CECR2: variants seen among roughly 807,000 people sequenced by gnomAD.
CECR2 encodes chromatin remodeling regulator CECR2.
A neutral mutation model predicts 154.5 loss-of-function variants in CECR2; 30 were observed. That is an observed-to-expected ratio of 0.19 (90% confidence interval 0.15 to 0.26). The LOEUF is 0.26. CECR2 is among the 10% of genes least tolerant of loss of function. The pLI, the probability that CECR2 is intolerant of heterozygous loss-of-function variation, is 1.00. For missense variants in CECR2, 1,743 were observed against 1,829.3 expected (o/e 0.95, Z 0.86); for synonymous variants, 725 against 683.7 (o/e 1.06, Z -0.94).
Position 17,552,743 on chromosome 22 carries a change from G to C in CECR2, c.4390-92G>C, listed in dbSNP as rs868048198. The C allele has an allele frequency of 2.2e-5, 25 of 1,144,710 alleles. No homozygotes were observed. In the Middle Eastern group the frequency reaches 2.9e-3, roughly 134 times the overall value. 70.9% of individuals were successfully genotyped at this position (1,144,710 alleles called of 1,614,324 possible). On this transcript the variant is annotated intron_variant, in intron 18 of 18. Transcript: ENST00000262608. ...ACAGAATCAAGCCATTTTCACACAT[G>C]AGGAGCTTGGACATTCTTTGGCTTA...
At chr22:17,404,287 A>G (rs2053943051) in intron 1 of CECR2, among the ~76,000 whole-genome samples, 2 of 150,002 alleles carry the variant, frequency 1.3e-5, no homozygotes, top group South Asian at 2.1e-4. Flanking sequence ...GCCAAAAAAA[A>G]AAAAAAAAAG....
intron 1 of CECR2, among the ~76,000 whole-genome samples, chr22:17,464,153 A>G (rs867884025): frequency 3.3e-5 from 5 of 152,232 alleles, no homozygotes; most frequent in Admixed American, 3.3e-4. Flanking sequence ...TTTTGTTACC[A>G]TCTCTGAGGC....
intron 7 of CECR2, among the ~76,000 whole-genome samples, chr22:17,507,241 C>T (rs773760769): frequency 1.3e-5 from 2 of 152,270 alleles, no homozygotes; most frequent in East Asian, 1.9e-4. Context: ...TCTCTAATAA[C>T]GGGAACTTAC....
At chr22:17,431,088 AT>A (rs1286107132) in intron 1 of CECR2, among the ~76,000 whole-genome samples, 1 of 152,190 alleles carries the variant, frequency 6.6e-6, no homozygotes, top group African/African-American at 2.4e-5. Context: ...CTGTTCATCC[AT>A]ACACATTTTG....
At chr22:17,455,490 C>T (rs1413589733) in intron 1 of CECR2, among the ~76,000 whole-genome samples, 1 of 152,236 alleles carries the variant, frequency 6.6e-6, no homozygotes, top group South Asian at 2.1e-4. Flanking sequence ...CCTCCCTACT[C>T]TCCTGACCCA....
rs1379488357 is a variant in CECR2 at position 17,500,678 on chromosome 22, GA to G, written c.598del (p.Arg200GlufsTer17). 2 of 1,558,234 alleles carry G rather than the reference GA, an allele frequency of 1.3e-6. No homozygotes were observed. Among genetic ancestry groups the G allele is most frequent in the Non-Finnish European group, 8.7e-7 (1 of 1,151,200 alleles). ...KNVSSIPGKT[G>X]KRRGRPPKRK... ...GTCTCAAGTATTCCTGGAAAAACGGGAAAAAGAAGAGGAAGACCCCCAAAAC... is the reference window on the plus strand; with the variant it reads ...GTCTCAAGTATTCCTGGAAAAACGGGAAAAGAAGAGGAAGACCCCCAAAAC... On this transcript the variant is annotated frameshift_variant, in exon 5 of 19. Transcript: ENST00000262608. LOFTEE classifies it high-confidence loss of function.
chr22:17,361,747 TA>T (rs111700209), intron 1 of CECR2, among the ~76,000 whole-genome samples: 9,357 of 136,296 alleles, frequency 0.069, 813 homozygotes, highest in African/African-American at 0.22. Flanking sequence ...TATCTCAAAT[TA>T]AAAAAAAAAA....
intron 6 of CECR2, among the ~76,000 whole-genome samples, chr22:17,504,339 C>T (rs989902550): frequency 2.0e-5 from 3 of 151,866 alleles, no homozygotes; most frequent in Non-Finnish European, 2.9e-5. Context: ...GGCACCACTG[C>T]ACTCCAGCCT....
chr22:17,454,785 A>T (rs530938021), intron 1 of CECR2, among the ~76,000 whole-genome samples: 3 of 152,176 alleles, frequency 2.0e-5, no homozygotes, highest in Non-Finnish European at 4.4e-5. Flanking sequence ...AATTTTAAGC[A>T]TACCAATCTG....
chr22:17,531,898 G>T (rs1304144738), intron 9 of CECR2, among the ~76,000 whole-genome samples: 2 of 152,218 alleles, frequency 1.3e-5, no homozygotes, highest in Non-Finnish European at 2.9e-5. Flanking sequence ...GCCAGGTGCA[G>T]TGGCTCATGC....
rs1238928700 is a variant in CECR2 at position 17,511,815 on chromosome 22, A to G, written c.873A>G (p.Gly291=). The G allele has an allele frequency of 6.2e-7, 1 of 1,611,160 alleles. No homozygotes were observed. Among genetic ancestry groups the G allele is most frequent in the Non-Finnish European group, 8.5e-7 (1 of 1,178,440 alleles). The change falls in exon 8 of 19, where the codon GGA becomes GGG. Residue 291 remains glycine, a splice_region_variant and synonymous_variant. Transcript: ENST00000262608. ...PEICNMIAQK[G]KRPQRTKAEL... is the part of the protein sequence containing the mutation. ...CTCTTCTTCACTTCTAACTATAGGG[A>G]AAACGTCCACAGCGCACAAAGGCAG...
At chr22:17,521,145 A>G (rs1243564254) in intron 8 of CECR2, among the ~76,000 whole-genome samples, 1 of 152,170 alleles carries the variant, frequency 6.6e-6, no homozygotes, top group African/African-American at 2.4e-5. Context: ...AACTGGCGTG[A>G]GATGGTATCT....
At chr22:17,533,700 TTTTG>T (rs34947830) in intron 9 of CECR2, among the ~76,000 whole-genome samples, 461 of 150,044 alleles carry the variant, frequency 3.1e-3, no homozygotes, top group African/African-American at 4.2e-3. Context: ...AAGGGCCTTT[TTTTG>T]TTTGTTTGTT....
chr22:17,442,514 T>A (rs1251761808), intron 1 of CECR2, among the ~76,000 whole-genome samples: 1 of 152,198 alleles, frequency 6.6e-6, no homozygotes, highest in Non-Finnish European at 1.5e-5. Context: ...AGTTCAAGGC[T>A]TGCAGTGAGC....
intron 1 of CECR2, among the ~76,000 whole-genome samples, chr22:17,449,226 T>G (rs2054726854): frequency 6.6e-6 from 1 of 151,992 alleles, no homozygotes; most frequent in Admixed American, 6.6e-5. Flanking sequence ...CGGCCCAGAG[T>G]GGTAAAACCT....
At chr22:17,492,245 A>G (rs1183756087) in intron 2 of CECR2, among the ~76,000 whole-genome samples, 1 of 152,148 alleles carries the variant, frequency 6.6e-6, no homozygotes, top group African/African-American at 2.4e-5. Context: ...CCAAACCTTT[A>G]TTGCTCCCCT....
rs1367025230 is a variant in CECR2, at chr22:17,524,397, T to TTTTTTC, written c.1108+131_1108+132insCTTTTT. 4 of 1,129,612 alleles carry TTTTTTC rather than the reference T, an allele frequency of 3.5e-6. No homozygotes were observed. In the East Asian group the frequency reaches 1.1e-4, roughly 30 times the overall value. 70.0% of individuals were successfully genotyped at this position (1,129,612 alleles called of 1,614,324 possible). On this transcript the variant is annotated intron_variant, in intron 9 of 18. Transcript: ENST00000262608. ...TGTTTCCGGCAATTTCTTTTTTTTT[T>TTTTTTC]TTTTTTTTTTTTTGAGACGGAGTCT...
At chr22:17,380,060 T>C (rs1235874983) in intron 1 of CECR2, among the ~76,000 whole-genome samples, 2 of 117,506 alleles carry the variant, frequency 1.7e-5, no homozygotes, top group Admixed American at 7.8e-5. Context: ...CTGACCATTG[T>C]TTTTTTTTGT....
chr22:17,436,040 C>T (rs758241081), intron 1 of CECR2, among the ~76,000 whole-genome samples: 9 of 152,186 alleles, frequency 5.9e-5, no homozygotes, highest in Non-Finnish European at 1.0e-4. Context: ...CTCACTGCAA[C>T]CTCCGCCTCC....
Sources: allele counts gnomAD v4.1 joint callset (sites outside exome capture counted in the v4.1 genomes callset), GRCh38; gene constraint gnomAD v4.1.1; transcripts MANE v1.5; gene names NCBI Gene and HGNC (gene_info 2026-07-23, HGNC 2026-07-21).